The following PRKG1 variants were observed in gnomAD, a reference collection of about 807,000 sequenced individuals.
The protein encoded by PRKG1 is cGMP-dependent protein kinase 1.
A neutral mutation model predicts 88.1 loss-of-function variants in PRKG1; 35 were observed. The ratio of observed to expected loss-of-function variants is 0.40; its 90% confidence interval spans 0.30 to 0.53. The LOEUF (loss-of-function observed/expected upper bound fraction) is 0.53, where lower values mean the gene tolerates loss of function less well. PRKG1 is among the 20% of genes least tolerant of loss of function. The pLI, the probability that PRKG1 is intolerant of heterozygous loss-of-function variation, is 0.59. For synonymous variants in PRKG1, 303 were observed against 292.5 expected, an observed-to-expected ratio of 1.04 and a Z score of -0.37; for missense variants, 540 against 839.8, an observed-to-expected ratio of 0.64 and a Z score of 4.41.
chr10:51,838,428 A>T (rs1465744516), intron 4 of PRKG1, among the ~76,000 whole-genome samples: 1 of 152,218 alleles, frequency 6.6e-6, no homozygotes, highest in Non-Finnish European at 1.5e-5. Context: ...AAATCTAAAC[A>T]TGAATAATGA....
chr10:51,620,987 G>A (rs1040395134), intron 3 of PRKG1, among the ~76,000 whole-genome samples: 1 of 102,978 alleles, frequency 9.7e-6, no homozygotes, highest in Admixed American at 1.2e-4. Context: ...ATATGTATGT[G>A]TGTGTGTGTG....
intron 1 of PRKG1, among the ~76,000 whole-genome samples, chr10:51,014,262 G>A (rs1027481780): frequency 4.0e-5 from 6 of 150,740 alleles, no homozygotes; most frequent in African/African-American, 9.8e-5. Context: ...ACTGATTCCC[G>A]TTGACAAAAC....
chr10:51,364,151 G>A (rs979585082), intron 2 of PRKG1, among the ~76,000 whole-genome samples: 1 of 151,864 alleles, frequency 6.6e-6, no homozygotes, highest in Non-Finnish European at 1.5e-5. Context: ...TATCATCCAC[G>A]CTAAATCTCA....
chr10:52,117,703 A>G (rs1018933699), intron 7 of PRKG1, among the ~76,000 whole-genome samples: 2 of 152,100 alleles, frequency 1.3e-5, no homozygotes, highest in Admixed American at 6.6e-5. Flanking sequence ...AAGCTACAAT[A>G]ATAACTATCC....
chr10:51,234,657 G>A (rs761897941), intron 2 of PRKG1, among the ~76,000 whole-genome samples: 1 of 152,006 alleles, frequency 6.6e-6, no homozygotes, highest in African/African-American at 2.4e-5. Context: ...AGAAAGTAAA[G>A]CAGTAGCAGG....
At chr10:52,012,081 A>C (rs1177163123) in intron 5 of PRKG1, among the ~76,000 whole-genome samples, 2 of 151,540 alleles carry the variant, frequency 1.3e-5, no homozygotes, top group African/African-American at 4.9e-5. Flanking sequence ...TGACTAATAC[A>C]CCTCTCTTTC....
chr10:51,727,285 A>C (rs10823478), intron 3 of PRKG1, among the ~76,000 whole-genome samples: 1 of 140,306 alleles, frequency 7.1e-6, no homozygotes, highest in Non-Finnish European at 1.5e-5. Context: ...AAAAAAAAAA[A>C]ATATATATAT....
chr10:52,041,388 G>A (rs544167787), intron 5 of PRKG1, among the ~76,000 whole-genome samples: 2 of 152,248 alleles, frequency 1.3e-5, no homozygotes, highest in Admixed American at 1.3e-4. Context: ...GTATTTTGTG[G>A]AGGGTTTTTG....
intron 2 of PRKG1, among the ~76,000 whole-genome samples, chr10:51,386,588 C>T (rs1439529760): frequency 3.9e-5 from 6 of 152,066 alleles, no homozygotes; most frequent in African/African-American, 1.2e-4. Context: ...CTTTTTGTGC[C>T]GTTCAGGTAT....
intron 4 of PRKG1, among the ~76,000 whole-genome samples, chr10:51,831,746 C>T (rs926892009): frequency 6.6e-6 from 1 of 152,132 alleles, no homozygotes; most frequent in Non-Finnish European, 1.5e-5. Context: ...GGCCCATCCT[C>T]GGCCCTTAAA....
chr10:52,210,878 T>C (rs554492125), intron 9 of PRKG1, among the ~76,000 whole-genome samples: 2 of 152,338 alleles, frequency 1.3e-5, no homozygotes, highest in Admixed American at 1.3e-4. Flanking sequence ...AGCTGTCATT[T>C]AAAAGTACAT....
At chr10:51,894,294 G>A (rs1841789639) in intron 4 of PRKG1, among the ~76,000 whole-genome samples, 3 of 152,092 alleles carry the variant, frequency 2.0e-5, no homozygotes, top group Admixed American at 2.0e-4. Flanking sequence ...ACATTATACT[G>A]GATGAAATAA....
In PRKG1 at chr10:51,178,653, T is replaced by C. The variant is rs79750751; in HGVS notation, c.478+25323T>C. On this transcript the variant is annotated intron_variant, in intron 2 of 17. Coordinates refer to ENST00000373980, the MANE Select transcript of PRKG1 (RefSeq NM_006258.4). ...ACCCTGTCTCAAAAAATAAAATTGG[T>C]ATTAAATGTAAATATCCCAAATCCT... Among the ~76,000 whole-genome samples, 840 of 152,166 alleles carry C rather than the reference T, an allele frequency of 5.5e-3. 16 individuals carry two copies. Among genetic ancestry groups the C allele is most frequent in the Admixed American group, 0.044 (670 of 15,270 alleles).
intron 5 of PRKG1, among the ~76,000 whole-genome samples, chr10:51,984,185 T>A (rs996591522): frequency 1.6e-4 from 24 of 152,132 alleles, no homozygotes; most frequent in East Asian, 1.5e-3. Flanking sequence ...AAGGGTGATA[T>A]GAGAAATTAC....
intron 2 of PRKG1, among the ~76,000 whole-genome samples, chr10:51,417,109 A>G (rs1838263349): frequency 6.6e-6 from 1 of 152,150 alleles, no homozygotes; most frequent in Non-Finnish European, 1.5e-5. Flanking sequence ...TTTAACCCTA[A>G]ATTGTTTCAA....
intron 3 of PRKG1, among the ~76,000 whole-genome samples, chr10:51,482,926 G>A (rs895410487): frequency 2.6e-5 from 4 of 151,400 alleles, no homozygotes; most frequent in Middle Eastern, 3.5e-3. Context: ...TTGTTATAAT[G>A]TCTTCCTGTT....
intron 2 of PRKG1, among the ~76,000 whole-genome samples, chr10:51,273,348 CA>C (rs35237197): frequency 0.055 from 6,523 of 118,556 alleles, 430 homozygotes; most frequent in African/African-American, 0.18. Context: ...CCATCTCTTC[CA>C]AAAAAAAAAA....
chr10:51,667,483 A>G (rs1471074360), intron 3 of PRKG1, among the ~76,000 whole-genome samples: 3 of 152,178 alleles, frequency 2.0e-5, no homozygotes, highest in Non-Finnish European at 4.4e-5. Context: ...ATGACTTAGG[A>G]TTATATGGCT....
At chr10:52,214,793 G>A (rs1840067837) in intron 9 of PRKG1, among the ~76,000 whole-genome samples, 1 of 152,090 alleles carries the variant, frequency 6.6e-6, no homozygotes, top group Admixed American at 6.6e-5. Context: ...CAGCTAACAT[G>A]ACTATGTGCT....
Sources: allele counts gnomAD v4.1 joint callset (sites outside exome capture counted in the v4.1 genomes callset), GRCh38; gene constraint gnomAD v4.1.1; transcripts MANE v1.5; gene names NCBI Gene and HGNC (gene_info 2026-07-23, HGNC 2026-07-21).